Variants in OPCML observed in about 807,000 individuals in gnomAD.
OPCML encodes the protein opioid-binding protein/cell adhesion molecule.
OPCML carries 13 observed loss-of-function variants against 37.8 expected under a neutral mutation model. The ratio of observed to expected loss-of-function variants is 0.34; its 90% CI spans 0.22 to 0.55. The LOEUF (loss-of-function observed/expected upper bound fraction) is 0.55, where lower values mean the gene tolerates loss of function less well. OPCML is among the 20% of genes least tolerant of loss of function. OPCML has a pLI of 0.91. For synonymous variants in OPCML, 176 were observed against 168.8 expected (o/e 1.04, Z -0.33); for missense variants, 341 against 435.6 (o/e 0.78, Z 1.93).
chr11:133,245,901 A>T (rs543856450), intron 1 of OPCML, among the ~76,000 whole-genome samples: 1 of 152,230 alleles, frequency 6.6e-6, no homozygotes, highest in South Asian at 2.1e-4. Context: ...CTCATTCATA[A>T]GTGGGAGTTG....
intron 4 of OPCML, among the ~76,000 whole-genome samples, chr11:132,439,961 G>A (rs1283494565): frequency 6.6e-6 from 1 of 152,148 alleles, no homozygotes; most frequent in Non-Finnish European, 1.5e-5. Flanking sequence ...TGCCTTAAAA[G>A]CTTCAGATAA....
intron 3 of OPCML, among the ~76,000 whole-genome samples, chr11:132,650,749 G>A (rs914887486): frequency 3.3e-5 from 5 of 152,142 alleles, no homozygotes; most frequent in Admixed American, 2.6e-4. Context: ...GGAGCCGAGC[G>A]CAGGGCTGAG....
intron 4 of OPCML, among the ~76,000 whole-genome samples, chr11:132,480,444 T>C (rs1016891863): frequency 6.6e-6 from 1 of 152,210 alleles, no homozygotes; most frequent in Admixed American, 6.5e-5. Flanking sequence ...GAAAACACTA[T>C]GCAGGATATT....
chr11:133,266,975 T>G (rs1461886913), intron 1 of OPCML, among the ~76,000 whole-genome samples: 1 of 152,184 alleles, frequency 6.6e-6, no homozygotes, highest in African/African-American at 2.4e-5. Context: ...CTGTCAATCT[T>G]TGGACAGATA....
intron 1 of OPCML, among the ~76,000 whole-genome samples, chr11:132,977,369 C>T (rs966001758): frequency 6.6e-6 from 1 of 152,170 alleles, no homozygotes; most frequent in Non-Finnish European, 1.5e-5. Flanking sequence ...TGATTCTCAA[C>T]TGTGTCAATA....
chr11:132,728,154 C>T (rs1345092708), intron 2 of OPCML, among the ~76,000 whole-genome samples: 2 of 152,238 alleles, frequency 1.3e-5, no homozygotes, highest in East Asian at 1.9e-4. Context: ...ACACCTGTGC[C>T]GGCGCAGCCC....
intron 2 of OPCML, among the ~76,000 whole-genome samples, chr11:132,818,403 A>C (rs1357876729): frequency 6.6e-6 from 1 of 151,884 alleles, no homozygotes; most frequent in East Asian, 1.9e-4. Context: ...TAATCAGTTG[A>C]ACCCCTGAAT....
At chr11:132,930,980 G>A (rs1040341932) in intron 2 of OPCML, among the ~76,000 whole-genome samples, 4 of 152,106 alleles carry the variant, frequency 2.6e-5, no homozygotes, top group Admixed American at 6.6e-5. Context: ...CAGACCAATG[G>A]AATGAAATAC....
At chr11:133,073,052 A>G (rs1230281424) in intron 1 of OPCML, among the ~76,000 whole-genome samples, 1 of 152,214 alleles carries the variant, frequency 6.6e-6, no homozygotes, top group Non-Finnish European at 1.5e-5. Context: ...CTGAGGTTCA[A>G]GTGAGGCTCA....
intron 2 of OPCML, among the ~76,000 whole-genome samples, chr11:132,864,181 AC>A (rs1400064414): frequency 6.6e-6 from 1 of 151,478 alleles, no homozygotes; most frequent in Non-Finnish European, 1.5e-5. Context: ...CGGGTGATCC[AC>A]CCTCCTCGGC....
chr11:132,511,235 C>T (rs1278325288), intron 4 of OPCML, among the ~76,000 whole-genome samples: 1 of 151,908 alleles, frequency 6.6e-6, no homozygotes, highest in Admixed American at 6.6e-5. Flanking sequence ...TAATTTGGAA[C>T]CACACACTGA....
intron 3 of OPCML, among the ~76,000 whole-genome samples, chr11:132,594,954 C>T (rs2096490180): frequency 6.6e-6 from 1 of 152,206 alleles, no homozygotes; most frequent in African/African-American, 2.4e-5. Context: ...TGCTCTATTT[C>T]AAGACGTGTG....
intron 1 of OPCML, among the ~76,000 whole-genome samples, chr11:133,501,786 C>T (rs924795850): frequency 6.6e-6 from 1 of 152,032 alleles, no homozygotes; most frequent in Admixed American, 6.5e-5. Context: ...AGTCACATAA[C>T]CTCCTCCACA....
chr11:133,481,080 A>C (rs1480311537), intron 1 of OPCML, among the ~76,000 whole-genome samples: 1 of 152,260 alleles, frequency 6.6e-6, no homozygotes, highest in Non-Finnish European at 1.5e-5. Context: ...ACTTAGATGA[A>C]TAGCTCACCA....
chr11:133,046,797 C>G (rs12275435), intron 1 of OPCML, among the ~76,000 whole-genome samples: 1 of 152,106 alleles, frequency 6.6e-6, no homozygotes, highest in Admixed American at 6.5e-5. Context: ...TACTTAACAG[C>G]AGTCTCCTCT....
At chr11:132,478,708 G>T (rs755573615) in intron 4 of OPCML, among the ~76,000 whole-genome samples, 18 of 152,120 alleles carry the variant, frequency 1.2e-4, no homozygotes, top group Non-Finnish European at 1.8e-4. Context: ...TACTGCTTGA[G>T]CCTAGTAAAG....
intron 7 of OPCML, among the ~76,000 whole-genome samples, chr11:132,434,081 T>C (rs1455957203): frequency 6.6e-6 from 1 of 152,138 alleles, no homozygotes; most frequent in Non-Finnish European, 1.5e-5. Flanking sequence ...CTCTGCATCA[T>C]ACTCCCTGCA....
At chr11:132,927,346 T>C (rs1428813233) in intron 2 of OPCML, among the ~76,000 whole-genome samples, 4 of 152,154 alleles carry the variant, frequency 2.6e-5, no homozygotes, top group Admixed American at 2.6e-4. Flanking sequence ...AAGATCATCA[T>C]TGAATTTCTC....
intron 4 of OPCML, among the ~76,000 whole-genome samples, chr11:132,487,168 C>T (rs1310038557): frequency 6.6e-6 from 1 of 152,190 alleles, no homozygotes; most frequent in East Asian, 1.9e-4. Flanking sequence ...ACAGTTGCTA[C>T]ATAAAGAAAA....
Sources: allele counts gnomAD v4.1 joint callset (sites outside exome capture counted in the v4.1 genomes callset), GRCh38; gene constraint gnomAD v4.1.1; transcripts MANE v1.5; gene names NCBI Gene and HGNC (gene_info 2026-07-23, HGNC 2026-07-21).